The following STT3B variants were observed in gnomAD, a reference collection of about 807,000 sequenced individuals.
STT3B encodes dolichyl-diphosphooligosaccharide--protein glycosyltransferase subunit STT3B.
STT3B carries 29 observed loss-of-function variants against 96.8 expected under a neutral mutation model. The ratio of observed to expected loss-of-function variants is 0.30; its 90% CI spans 0.22 to 0.41. STT3B has a LOEUF of 0.41. Ranked by LOEUF, STT3B falls within the 10% of genes least tolerant of loss-of-function variation. The pLI, the probability that STT3B is intolerant of heterozygous loss-of-function variation, is 1.00. For missense variants in STT3B, 640 were observed against 1,022.3 expected (o/e 0.63, Z 5.10); for synonymous variants, 367 against 360.0 (o/e 1.02, Z -0.22).
chr3:31,611,615 G>A (rs1456477836), intron 5 of STT3B, among the ~76,000 whole-genome samples: 2 of 152,132 alleles, frequency 1.3e-5, no homozygotes, highest in Non-Finnish European at 2.9e-5. Context: ...TCCTGCCTCA[G>A]CCTCCCAAGT....
At chr3:31,545,863 T>C (rs1306305869) in intron 1 of STT3B, among the ~76,000 whole-genome samples, 2 of 151,766 alleles carry the variant, frequency 1.3e-5, no homozygotes, top group Non-Finnish European at 2.9e-5. Flanking sequence ...GTGTATTTTA[T>C]GTGTGGCCTA....
chr3:31,547,460 T>A (rs144732910), intron 1 of STT3B, among the ~76,000 whole-genome samples: 3,351 of 152,066 alleles, frequency 0.022, 122 homozygotes, highest in African/African-American at 0.075. Flanking sequence ...GTCTGGCCAA[T>A]ATGGTGAAAC....
At chr3:31,594,021 C>T (rs1215706127) in intron 3 of STT3B, among the ~76,000 whole-genome samples, 1 of 152,092 alleles carries the variant, frequency 6.6e-6, no homozygotes. Flanking sequence ...TTAAAAATAG[C>T]TTATCCGAAC....
At position 31,576,477 on chromosome 3, in the gene STT3B, T is replaced by A; in HGVS notation, c.396T>A (p.Tyr132Ter). Residue 132 changes from tyrosine (Y) to a stop codon, truncating the protein, a stop_gained, in exon 2 of 16, where the codon TAT becomes TAA. Transcript: ENST00000295770. LOFTEE classifies it high-confidence loss of function. ...FLNWFDERAW[Y>*]PLGRIVGGTV... ...ATTGGTTTGATGAAAGAGCATGGTA[T>A]CCACTAGGAAGAATAGTAGGTGGTA... 1 of 1,595,732 alleles carries A rather than the reference T, an allele frequency of 6.3e-7. No individual in the cohort carries two copies.
rs150824735 is a variant in STT3B at position 31,566,684 on chromosome 3, A to T, written c.315-9712A>T. ...CACAGATGTTTTAAGATAGGACCTC[A>T]TTTATACCCTGCTTACAGCAATCTC... On this transcript the variant is annotated intron_variant, in intron 1 of 15. Coordinates refer to ENST00000295770, the MANE Select transcript of STT3B (RefSeq NM_178862.3). 2.0e-3 allele frequency among the ~76,000 whole-genome samples: 305 copies of T among 152,254 alleles called. 3 individuals are homozygous for T. The highest frequency in any genetic ancestry group is 7.0e-3 in the African/African-American group (289 of 41,554).
At chr3:31,567,749 T>C (rs1698038616) in intron 1 of STT3B, among the ~76,000 whole-genome samples, 1 of 152,150 alleles carries the variant, frequency 6.6e-6, no homozygotes, top group Admixed American at 6.5e-5. Context: ...TATTTATGGG[T>C]TATATGTGAT....
Position 31,613,103 on chromosome 3 carries a change from G to A in STT3B, c.878-2002G>A, listed in dbSNP as rs115480594. Among the ~76,000 whole-genome samples, 1,101 of 152,164 alleles carry A rather than the reference G, an allele frequency of 7.2e-3. 14 individuals carry two copies. The highest frequency in any genetic ancestry group is 0.025 in the African/African-American group (1,024 of 41,536). ...CTTAGTGAGTGTAGGGTTTTGTTTT[G>A]GGGTAATGAAAATTCTTTAGGACTA... On this transcript the variant is annotated intron_variant, in intron 5 of 15. Coordinates refer to ENST00000295770, the MANE Select transcript of STT3B (RefSeq NM_178862.3).
intron 7 of STT3B, 144 bp from the exon 8 acceptor site, chr3:31,617,796 A>T (rs1383073269): frequency 3.1e-6 from 2 of 635,034 alleles, no homozygotes; most frequent in Non-Finnish European, 5.6e-6. Flanking sequence ...AACTGTCTGA[A>T]ATAGGTTGAC....
chr3:31,532,929 C>G lies in STT3B; in HGVS notation c.-70C>G, dbSNP rs925012399. Reference sequence around the variant, plus strand: ...CTCCTCCTCCTCCTCCTCCGGGTCCCCGCCCAGCACCCCTCGCACCAGGCG... The same window carrying G: ...CTCCTCCTCCTCCTCCTCCGGGTCCGCGCCCAGCACCCCTCGCACCAGGCG... On this transcript the variant is annotated 5_prime_UTR_variant, in exon 1 of 16. Coordinates refer to ENST00000295770, the MANE Select transcript of STT3B (RefSeq NM_178862.3). 9.3e-6 allele frequency: 14 copies of G among 1,497,708 alleles called. No homozygotes were observed. In the Admixed American group the frequency reaches 3.2e-4, roughly 34 times the overall value. The allele number at this position is 1,497,708 out of a possible 1,614,324, so 92.8% of individuals were successfully genotyped here.
intron 14 of STT3B, among the ~76,000 whole-genome samples, chr3:31,631,131 T>C (rs1003009335): frequency 2.2e-4 from 33 of 152,206 alleles, no homozygotes; most frequent in African/African-American, 7.7e-4. Flanking sequence ...TCTTTGTGGC[T>C]AATATGGACT....
chr3:31,593,124 C>T (rs540020173), intron 3 of STT3B, among the ~76,000 whole-genome samples: 2 of 152,314 alleles, frequency 1.3e-5, no homozygotes, highest in Middle Eastern at 3.4e-3. Flanking sequence ...TTCCCAGAAT[C>T]CTCACCTGCC....
intron 1 of STT3B, among the ~76,000 whole-genome samples, chr3:31,562,061 C>G (rs143093537): frequency 7.2e-5 from 11 of 152,152 alleles, no homozygotes; most frequent in African/African-American, 2.7e-4. Flanking sequence ...TGTTTTGGCC[C>G]GAGGGCAGCT....
chr3:31,556,523 A>G (rs1290454380), intron 1 of STT3B, among the ~76,000 whole-genome samples: 2 of 152,212 alleles, frequency 1.3e-5, no homozygotes, highest in Non-Finnish European at 1.5e-5. Flanking sequence ...AAAGCAATGT[A>G]TAAGAGTTCT....
chr3:31,562,943 C>T (rs1697915985), intron 1 of STT3B, among the ~76,000 whole-genome samples: 1 of 152,152 alleles, frequency 6.6e-6, no homozygotes, highest in Admixed American at 6.5e-5. Context: ...CCCTGTTAGT[C>T]TTGGGACCTG....
intron 6 of STT3B, among the ~76,000 whole-genome samples, chr3:31,616,072 C>T (rs1699301082): frequency 6.6e-6 from 1 of 151,780 alleles, no homozygotes; most frequent in African/African-American, 2.4e-5. Context: ...ACACAAGAGT[C>T]TTCAGAAGTG....
intron 15 of STT3B, among the ~76,000 whole-genome samples, chr3:31,633,616 A>G (rs201625848): frequency 5.7e-4 from 51 of 88,958 alleles, no homozygotes; most frequent in Non-Finnish European, 8.5e-4. Context: ...TAAGATAATT[A>G]TTTTTTAATG....
intron 5 of STT3B, among the ~76,000 whole-genome samples, chr3:31,603,546 A>G (rs192682409): frequency 2.4e-4 from 36 of 152,220 alleles, no homozygotes; most frequent in Non-Finnish European, 4.1e-4. Flanking sequence ...TTTAAAAGGA[A>G]CACCCAAACC....
chr3:31,626,192 C>G, intron 13 of STT3B, 65 bp downstream of exon 13: 1 of 1,387,816 alleles, frequency 7.2e-7, no homozygotes, highest in East Asian at 2.3e-5. Context: ...ATTCTCTCAT[C>G]TTGCTAATTG....
At chr3:31,610,083 C>T (rs1301277731) in intron 5 of STT3B, among the ~76,000 whole-genome samples, 1 of 152,112 alleles carries the variant, frequency 6.6e-6, no homozygotes, top group Non-Finnish European at 1.5e-5. Flanking sequence ...CTCTGCTGGT[C>T]AAGAAGAATC....
Sources: allele counts gnomAD v4.1 joint callset (sites outside exome capture counted in the v4.1 genomes callset), GRCh38; gene constraint gnomAD v4.1.1; transcripts MANE v1.5; gene names NCBI Gene and HGNC (gene_info 2026-07-23, HGNC 2026-07-21).